The following CSMD1 variants were observed in gnomAD, a reference collection of about 807,000 sequenced individuals.
CSMD1 encodes the protein CUB and sushi domain-containing protein 1.
Under a neutral mutation model 417.5 loss-of-function variants are expected in CSMD1, and 213 were observed. That is an observed-to-expected ratio of 0.51 (90% CI 0.46 to 0.57). The LOEUF (loss-of-function observed/expected upper bound fraction) is 0.57. Among genes scored for constraint, CSMD1 ranks in the 20% least tolerant of loss-of-function variants. CSMD1 has a pLI of 0.00. For missense variants in CSMD1, 6,923 were observed against 4,529.7 expected (o/e 1.53, Z -15.17); for synonymous variants, 2,862 against 1,736.8 (o/e 1.65, Z -16.11).
intron 1 of CSMD1, among the ~76,000 whole-genome samples, chr8:4,725,930 C>T (rs974043795): frequency 2.8e-4 from 42 of 152,156 alleles, no homozygotes; most frequent in African/African-American, 1.0e-3. Flanking sequence ...TTGACACTCT[C>T]CAGTAGATAC....
chr8:4,320,473 A>T (rs958512116), intron 3 of CSMD1, among the ~76,000 whole-genome samples: 5 of 152,068 alleles, frequency 3.3e-5, no homozygotes, highest in Non-Finnish European at 7.4e-5. Flanking sequence ...CCTGCGATCT[A>T]CATTAGATAT....
At chr8:4,378,924 T>C (rs1053732477) in intron 3 of CSMD1, among the ~76,000 whole-genome samples, 2 of 152,206 alleles carry the variant, frequency 1.3e-5, no homozygotes, top group African/African-American at 2.4e-5. Flanking sequence ...TCCCAGCCCC[T>C]GGAATTGTGA....
At chr8:3,583,538 C>T (rs1273106430) in intron 9 of CSMD1, among the ~76,000 whole-genome samples, 1 of 151,978 alleles carries the variant, frequency 6.6e-6, no homozygotes, top group African/African-American at 2.4e-5. Context: ...CACAGATGGA[C>T]AGCTAAGGAG....
At chr8:4,058,115 T>G (rs1330345164) in intron 3 of CSMD1, among the ~76,000 whole-genome samples, 4 of 152,288 alleles carry the variant, frequency 2.6e-5, no homozygotes, top group African/African-American at 9.6e-5. Context: ...ATCTATAAAT[T>G]ACCTTGGGCA....
chr8:3,155,836 C>T (rs1225740796), intron 39 of CSMD1, among the ~76,000 whole-genome samples: 2 of 152,118 alleles, frequency 1.3e-5, no homozygotes, highest in Non-Finnish European at 2.9e-5. Context: ...CATAAACAGA[C>T]GTTCTCTCCT....
At chr8:3,247,240 C>G (rs781262089) in intron 26 of CSMD1, among the ~76,000 whole-genome samples, 1 of 152,158 alleles carries the variant, frequency 6.6e-6, no homozygotes, top group Non-Finnish European at 1.5e-5. Flanking sequence ...AATGTACATT[C>G]ACAGCGATGT....
At chr8:4,348,555 G>C (rs981638379) in intron 3 of CSMD1, among the ~76,000 whole-genome samples, 4 of 148,666 alleles carry the variant, frequency 2.7e-5, no homozygotes, top group East Asian at 2.0e-4. Flanking sequence ...AAGTGTGTGT[G>C]TGCACATGTG....
intron 1 of CSMD1, among the ~76,000 whole-genome samples, chr8:4,691,104 T>A (rs1460469738): frequency 6.6e-6 from 1 of 152,160 alleles, no homozygotes; most frequent in Admixed American, 6.5e-5. Context: ...ATTTTCCCCA[T>A]CTTTATGACA....
chr8:3,132,524 T>G (rs1438912807), intron 41 of CSMD1, among the ~76,000 whole-genome samples: 1 of 152,168 alleles, frequency 6.6e-6, no homozygotes, highest in Non-Finnish European at 1.5e-5. Flanking sequence ...TTCAGTCTCA[T>G]CAGTTCTAGA....
intron 1 of CSMD1, among the ~76,000 whole-genome samples, chr8:4,810,672 C>A (rs1171509184): frequency 2.6e-5 from 4 of 152,096 alleles, no homozygotes; most frequent in Non-Finnish European, 5.9e-5. Context: ...TTCATAGAAA[C>A]TTTATAATGT....
chr8:3,433,062 C>A (rs1265399042), intron 12 of CSMD1, among the ~76,000 whole-genome samples: 3 of 152,140 alleles, frequency 2.0e-5, no homozygotes, highest in Non-Finnish European at 2.9e-5. Flanking sequence ...TGTGTCATAG[C>A]AACCTAGTTT....
At chr8:4,301,066 G>A (rs760946176) in intron 3 of CSMD1, among the ~76,000 whole-genome samples, 8 of 152,160 alleles carry the variant, frequency 5.3e-5, no homozygotes, top group Non-Finnish European at 7.3e-5. Flanking sequence ...GCCAAATCAG[G>A]ACTGTAAAGT....
At position 4,076,997 on chromosome 8, in the gene CSMD1, A is replaced by C. The variant is rs1458346184; in HGVS notation, c.416-44898T>G. Among the ~76,000 whole-genome samples the C allele has an allele frequency of 3.3e-5, 5 of 152,194 alleles. No homozygotes were observed. The South Asian group carries it at 8.3e-4, about 25-fold the overall frequency. On this transcript the variant is annotated intron_variant, in intron 3 of 69. Transcript: ENST00000635120. ...ATCATCAGAATGAAGAATAAATTCCAGCTAATAGTAAGAAAAATTGCAACT... is the reference window on the plus strand; with the variant it reads ...ATCATCAGAATGAAGAATAAATTCCCGCTAATAGTAAGAAAAATTGCAACT...
intron 4 of CSMD1, among the ~76,000 whole-genome samples, chr8:4,000,258 G>A (rs532278846): frequency 3.3e-5 from 5 of 151,862 alleles, no homozygotes; most frequent in East Asian, 1.9e-4. Flanking sequence ...ACACCACTGT[G>A]CAAGCACACA....
At chr8:3,647,563 G>C (rs1253801263) in intron 7 of CSMD1, among the ~76,000 whole-genome samples, 2 of 152,144 alleles carry the variant, frequency 1.3e-5, no homozygotes, top group Non-Finnish European at 2.9e-5. Flanking sequence ...AGCATAAAGA[G>C]AAATACGGCA....
chr8:4,464,498 A>T (rs754336830), intron 2 of CSMD1, among the ~76,000 whole-genome samples: 1 of 152,208 alleles, frequency 6.6e-6, no homozygotes, highest in Non-Finnish European at 1.5e-5. Context: ...ATTTTATAAT[A>T]ACACATTGAG....
intron 10 of CSMD1, among the ~76,000 whole-genome samples, chr8:3,531,486 G>C (rs1367906114): frequency 1.3e-5 from 2 of 152,136 alleles, no homozygotes; most frequent in Non-Finnish European, 2.9e-5. Flanking sequence ...GTCATTGTGA[G>C]ATTATTGAAA....
intron 3 of CSMD1, among the ~76,000 whole-genome samples, chr8:4,117,795 C>T (rs918004534): frequency 2.7e-4 from 41 of 152,072 alleles, no homozygotes; most frequent in African/African-American, 7.7e-4. Flanking sequence ...ATGTCAGGCT[C>T]AGAACGTATC....
intron 1 of CSMD1, among the ~76,000 whole-genome samples, chr8:4,855,059 G>A (rs1391456125): frequency 6.6e-6 from 1 of 152,072 alleles, no homozygotes; most frequent in Non-Finnish European, 1.5e-5. Flanking sequence ...GCAAGCAGCT[G>A]GAGATCTGAG....
Sources: allele counts gnomAD v4.1 joint callset (sites outside exome capture counted in the v4.1 genomes callset), GRCh38; gene constraint gnomAD v4.1.1; transcripts MANE v1.5; gene names NCBI Gene and HGNC (gene_info 2026-07-23, HGNC 2026-07-21).